Variants in GLDC observed in about 807,000 individuals in gnomAD.
The protein encoded by GLDC is glycine dehydrogenase (decarboxylating), mitochondrial.
GLDC carries 104 observed loss-of-function variants against 121.3 expected under a neutral mutation model. That is an observed-to-expected ratio of 0.86 (90% CI 0.73 to 1.01). The LOEUF (loss-of-function observed/expected upper bound fraction) is 1.01, where lower values mean the gene tolerates loss of function less well. Among genes scored for constraint, GLDC ranks in the 50% least tolerant of loss-of-function variants. The pLI is 0.00. For synonymous variants in GLDC, 546 were observed against 480.6 expected, an observed-to-expected ratio of 1.14 and a Z score of -1.78; for missense variants, 1,429 against 1,306.6, an observed-to-expected ratio of 1.09 and a Z score of -1.44.
intron 15 of GLDC, among the ~76,000 whole-genome samples, chr9:6,581,196 G>T (rs774831286): frequency 2.0e-5 from 3 of 152,184 alleles, no homozygotes; most frequent in Non-Finnish European, 2.9e-5. Context: ...GGCAACGAAG[G>T]AGCAGTTGGT....
At chr9:6,580,361 A>C (rs1190326531) in intron 15 of GLDC, among the ~76,000 whole-genome samples, 1 of 152,190 alleles carries the variant, frequency 6.6e-6, no homozygotes, top group African/African-American at 2.4e-5. Flanking sequence ...CAATAGAAAA[A>C]GCTTTGACTT....
Position 6,588,682 on chromosome 9 carries a change from ATGTT to A in GLDC, c.1597_1600del (p.Asn533LeufsTer5). ...TTCCAGTTTCTTCATGTACCGGACA[ATGTT>A]TGTTTCAGAGTGGTAGCTGTGAACA... On this transcript the variant is annotated frameshift_variant, in exon 13 of 25. Coordinates refer to ENST00000321612, the MANE Select transcript of GLDC (RefSeq NM_000170.3). LOFTEE classifies it high-confidence loss of function. The A allele has an allele frequency of 6.2e-7, 1 of 1,613,342 alleles. No homozygotes were observed. The highest frequency in any genetic ancestry group is 8.5e-7 in the Non-Finnish European group (1 of 1,179,286).
intron 15 of GLDC, among the ~76,000 whole-genome samples, chr9:6,582,089 C>A (rs1365470201): frequency 6.6e-6 from 1 of 151,604 alleles, no homozygotes; most frequent in Non-Finnish European, 1.5e-5. Context: ...GTAGCGGGCA[C>A]CTGTAATCCC....
chr9:6,606,210 G>A (rs1000955975), intron 5 of GLDC: 8 of 251,830 alleles, frequency 3.2e-5, no homozygotes, highest in Admixed American at 3.2e-4. Context: ...TCGGGAGGCT[G>A]AGGCAGGACA....
Position 6,645,712 on chromosome 9 carries a change from A to G in GLDC, c.-213T>C. 3.3e-6 allele frequency: 1 copy of G among 305,966 alleles called. No individual in the cohort carries two copies. Among genetic ancestry groups the G allele is most frequent in the East Asian group, 6.1e-5 (1 of 16,414 alleles). 19.0% of individuals were successfully genotyped at this position (305,966 alleles called of 1,614,324 possible). On this transcript the variant is annotated 5_prime_UTR_variant, in exon 1 of 25. Transcript: ENST00000321612. ...GCAAAGTTGTGGCTCCACCCAAGGCACCTGCTCCGCACACTTTAAGCGGCG... is the reference window on the plus strand; with the variant it reads ...GCAAAGTTGTGGCTCCACCCAAGGCGCCTGCTCCGCACACTTTAAGCGGCG...
At chr9:6,549,782 A>C (rs1420388431) in intron 21 of GLDC, among the ~76,000 whole-genome samples, 1 of 152,102 alleles carries the variant, frequency 6.6e-6, no homozygotes, top group East Asian at 1.9e-4. Context: ...ACAGGATTGC[A>C]GGTGTGAGCC....
intron 16 of GLDC, among the ~76,000 whole-genome samples, chr9:6,564,758 C>T (rs1217076592): frequency 6.6e-6 from 1 of 152,220 alleles, no homozygotes; most frequent in Non-Finnish European, 1.5e-5. Context: ...CCATTAGTAC[C>T]TGCTGGTCCC....
intron 15 of GLDC, among the ~76,000 whole-genome samples, chr9:6,575,361 G>A (rs776439228): frequency 6.6e-6 from 1 of 152,168 alleles, no homozygotes; most frequent in African/African-American, 2.4e-5. Flanking sequence ...CCAGGTCCAA[G>A]AACCTCTGGT....
At position 6,532,874 on chromosome 9, in the gene GLDC, A is replaced by G. The variant is rs2129640783; in HGVS notation, c.*143T>C. On this transcript the variant is annotated 3_prime_UTR_variant, in exon 25 of 25. Coordinates refer to ENST00000321612, the MANE Select transcript of GLDC (RefSeq NM_000170.3). ...GACTCCCTCCAGCTACTGTATTTACATTTACCTTGACAGAGATTACAGAGA... is the reference window on the plus strand; with the variant it reads ...GACTCCCTCCAGCTACTGTATTTACGTTTACCTTGACAGAGATTACAGAGA... 1.3e-5 allele frequency: 10 copies of G among 749,308 alleles called. No individual in the cohort carries two copies. Among genetic ancestry groups the G allele is most frequent in the East Asian group, 4.9e-5 (2 of 40,530 alleles). 46.4% of individuals were successfully genotyped at this position (749,308 alleles called of 1,614,324 possible).
At chr9:6,601,955 G>A (rs758623639) in intron 8 of GLDC, among the ~76,000 whole-genome samples, 154 bp downstream of exon 8, 5 of 152,068 alleles carry the variant, frequency 3.3e-5, no homozygotes, top group African/African-American at 1.2e-4. Flanking sequence ...GTTCTCATAA[G>A]ACAATGAGCC....
At position 6,645,453 on chromosome 9, in the gene GLDC, A is replaced by G. The variant is rs1587990818; in HGVS notation, c.47T>C (p.Val16Ala). The change falls in exon 1 of 25, where the codon GTC (valine) becomes GCC (alanine). Residue 16 changes from valine to alanine, a missense_variant. Coordinates refer to ENST00000321612, the MANE Select transcript of GLDC (RefSeq NM_000170.3). ...CCCAGCCAGGCGGCGGCCGCCCCCGACCCCGCGGCCCAGGCGCAGCCCCCA... is the reference window on the plus strand; with the variant it reads ...CCCAGCCAGGCGGCGGCCGCCCCCGGCCCCGCGGCCCAGGCGCAGCCCCCA... ...RAWGLRLGRG[V>A]GGGRRLAGGS... is the part of the protein sequence containing the mutation. 8.0e-7 allele frequency: 1 copy of G among 1,250,754 alleles called. No individual in the cohort carries two copies. The highest frequency in any genetic ancestry group is 3.4e-5 in the East Asian group (1 of 29,570). The allele number at this position is 1,250,754 out of a possible 1,614,324, so 77.5% of individuals were successfully genotyped here. A position where few individuals can be genotyped will look rare whatever the true frequency, so the allele number is the denominator to read the frequency against.
At chr9:6,603,362 A>G (rs1236441583) in intron 7 of GLDC, among the ~76,000 whole-genome samples, 1 of 152,142 alleles carries the variant, frequency 6.6e-6, no homozygotes, top group Non-Finnish European at 1.5e-5. Context: ...ACACCTGGTA[A>G]TCCGAGCATT....
intron 18 of GLDC, 104 bp downstream of exon 18, chr9:6,556,049 G>T: frequency 2.2e-6 from 2 of 927,028 alleles, no homozygotes; most frequent in East Asian, 2.6e-5. Flanking sequence ...TCGTGGGTCT[G>T]AGTTCCCTCA....
rs778615308 is a variant in GLDC at position 6,593,001 on chromosome 9, T to C, written c.1262-11A>G. The C allele has an allele frequency of 1.3e-5, 21 of 1,613,884 alleles. No individual in the cohort carries two copies. The highest frequency in any genetic ancestry group is 1.5e-5 in the Non-Finnish European group (18 of 1,179,868). On this transcript the variant is annotated splice_polypyrimidine_tract_variant and intron_variant, in intron 9 of 24. Transcript: ENST00000321612. Reference sequence around the variant, plus strand: ...CTGCTCGCTTGAGACCTACACAAGATAGGAGATCCCCCAAACTCTCATATA... The same window carrying C: ...CTGCTCGCTTGAGACCTACACAAGACAGGAGATCCCCCAAACTCTCATATA...
chr9:6,570,951 A>G (rs1817953507), intron 15 of GLDC, among the ~76,000 whole-genome samples: 1 of 151,344 alleles, frequency 6.6e-6, no homozygotes, highest in Admixed American at 6.6e-5. Context: ...TATTTATTTT[A>G]TGAGTGATAA....
intron 15 of GLDC, among the ~76,000 whole-genome samples, chr9:6,577,183 T>C (rs1203909119): frequency 6.6e-6 from 1 of 152,174 alleles, no homozygotes; most frequent in Non-Finnish European, 1.5e-5. Context: ...CGCAGAGAAA[T>C]CCAGATGCAG....
chr9:6,610,718 G>C (rs975993773), intron 3 of GLDC, among the ~76,000 whole-genome samples: 6 of 152,174 alleles, frequency 3.9e-5, no homozygotes, highest in Non-Finnish European at 7.3e-5. Context: ...TCTGGCCTAA[G>C]TCTCCAAAGT....
At chr9:6,604,072 C>T (rs1476846576) in intron 7 of GLDC, among the ~76,000 whole-genome samples, 1 of 151,750 alleles carries the variant, frequency 6.6e-6, no homozygotes, top group Non-Finnish European at 1.5e-5. Flanking sequence ...ACAAAGACTA[C>T]TTCTGAACAT....
At chr9:6,639,011 A>G (rs78066890) in intron 2 of GLDC, 2 of 164,872 alleles carry the variant, frequency 1.2e-5, no homozygotes, top group Non-Finnish European at 1.1e-5. Context: ...TCTGTCTCAG[A>G]AAAAAAAAAA....
Sources: gnomAD v4.1 joint callset for allele counts (sites outside exome capture counted in the v4.1 genomes callset) on GRCh38, gnomAD v4.1.1 for gene constraint, MANE v1.5 for transcripts, NCBI Gene and HGNC (gene_info 2026-07-23, HGNC 2026-07-21) for gene names.